Variants in GABBR2 observed in about 807,000 individuals in gnomAD.
GABBR2 encodes the protein gamma-aminobutyric acid type B receptor subunit 2, also known as G-protein coupled receptor 51.
In GABBR2, 23 loss-of-function variants were observed where a neutral mutation model predicts 105.6. The ratio of observed to expected loss-of-function variants is 0.22; its 90% CI spans 0.16 to 0.31. The LOEUF is 0.31. GABBR2 is among the 10% of genes least tolerant of loss of function. The probability of loss-of-function intolerance (pLI) is 1.00; values close to 1 mark genes in which losing one functional copy is unlikely to be tolerated. For missense variants in GABBR2, 734 were observed against 1,245.5 expected (o/e 0.59, Z 6.18); for synonymous variants, 478 against 499.7 (o/e 0.96, Z 0.58).
At position 98,540,107 on chromosome 9, in the gene GABBR2, G is replaced by A. The variant is rs560387913; in HGVS notation, c.630+1766C>T. On this transcript the variant is annotated intron_variant, in intron 3 of 18. Coordinates refer to ENST00000259455, the MANE Select transcript of GABBR2 (RefSeq NM_005458.8). ...GCCTTTCAGCAAAAGCCTCTTCAGC[G>A]TTTGGCAATGAGTCACTCCCGCTGG... 1.3e-3 allele frequency among the ~76,000 whole-genome samples: 197 copies of A among 152,176 alleles called. 1 individual carries two copies. Among genetic ancestry groups the A allele is most frequent in the Admixed American group, 2.0e-3 (31 of 15,276 alleles).
intron 13 of GABBR2, among the ~76,000 whole-genome samples, chr9:98,336,532 C>A (rs182294294): frequency 6.6e-6 from 1 of 152,018 alleles, no homozygotes; most frequent in South Asian, 2.1e-4. Context: ...GGTGAAACCC[C>A]GTCTCTACTA....
chr9:98,296,118 G>A (rs1260610551), intron 17 of GABBR2, among the ~76,000 whole-genome samples: 1 of 152,234 alleles, frequency 6.6e-6, no homozygotes, highest in Non-Finnish European at 1.5e-5. Context: ...TGTAAGAGGT[G>A]GGGCCTTTAG....
At chr9:98,565,264 T>A (rs1471865421) in intron 2 of GABBR2, among the ~76,000 whole-genome samples, 2 of 151,652 alleles carry the variant, frequency 1.3e-5, no homozygotes, top group Admixed American at 1.3e-4. Flanking sequence ...AGGCTGCTCC[T>A]CTACTCTGTG....
intron 1 of GABBR2, among the ~76,000 whole-genome samples, chr9:98,680,756 G>A (rs1031625329): frequency 1.3e-5 from 2 of 152,136 alleles, no homozygotes; most frequent in Non-Finnish European, 2.9e-5. Flanking sequence ...TAATATAAAC[G>A]TAAGGTGACT....
chr9:98,634,990 C>T (rs1279279285), intron 1 of GABBR2, among the ~76,000 whole-genome samples: 5 of 152,174 alleles, frequency 3.3e-5, no homozygotes, highest in African/African-American at 9.7e-5. Context: ...TCCCTAGCTT[C>T]CAGCCTAGCT....
At chr9:98,298,814 T>C (rs1363749097) in intron 17 of GABBR2, among the ~76,000 whole-genome samples, 2 of 152,240 alleles carry the variant, frequency 1.3e-5, no homozygotes, top group Non-Finnish European at 2.9e-5. Context: ...AAGCATTCTA[T>C]CATAACTAAC....
chr9:98,294,867 A>T (rs137936317), intron 17 of GABBR2, among the ~76,000 whole-genome samples: 1 of 152,364 alleles, frequency 6.6e-6, no homozygotes, highest in African/African-American at 2.4e-5. Context: ...TAGGACCTCC[A>T]TTCAAAATAA....
chr9:98,591,458 C>T (rs994043048), intron 1 of GABBR2, among the ~76,000 whole-genome samples: 3 of 152,052 alleles, frequency 2.0e-5, no homozygotes, highest in African/African-American at 7.3e-5. Flanking sequence ...AGGGGAGTGC[C>T]GAGAGGGAAG....
At chr9:98,423,976 C>T (rs1832829541) in intron 7 of GABBR2, among the ~76,000 whole-genome samples, 1 of 152,158 alleles carries the variant, frequency 6.6e-6, no homozygotes, top group Admixed American at 6.5e-5. Context: ...TATATCTGAT[C>T]TATATCTCTG....
intron 4 of GABBR2, among the ~76,000 whole-genome samples, chr9:98,484,009 C>T (rs976019769): frequency 6.6e-6 from 1 of 152,220 alleles, no homozygotes; most frequent in African/African-American, 2.4e-5. Flanking sequence ...GCATCACGCA[C>T]AATGCCTGGC....
chr9:98,689,941 T>A (rs573929284), intron 1 of GABBR2, among the ~76,000 whole-genome samples: 7 of 152,322 alleles, frequency 4.6e-5, no homozygotes, highest in African/African-American at 1.7e-4. Flanking sequence ...ATTTCTTCCC[T>A]GCAAAGTGAC....
chr9:98,536,371 C>T (rs776473881), intron 3 of GABBR2, among the ~76,000 whole-genome samples: 10 of 152,112 alleles, frequency 6.6e-5, no homozygotes, highest in South Asian at 2.1e-4. Context: ...GATTGGCTTA[C>T]GGGTACTTAA....
chr9:98,704,844 T>C (rs1196026698), intron 1 of GABBR2, among the ~76,000 whole-genome samples: 2 of 152,060 alleles, frequency 1.3e-5, no homozygotes, highest in African/African-American at 4.8e-5. Context: ...ATGGAGAACA[T>C]TTCTGAAGAC....
chr9:98,665,428 A>C (rs1588274779), intron 1 of GABBR2, among the ~76,000 whole-genome samples: 1 of 152,130 alleles, frequency 6.6e-6, no homozygotes, highest in East Asian at 1.9e-4. Flanking sequence ...TGACCCATTT[A>C]CTGATTGACA....
In GABBR2 at chr9:98,289,843, G is replaced by GTGTC. The variant is rs1465800980; in HGVS notation, c.*737_*740dup. ...AGACTGTCGGTGAATGCTGCAGAGC[G>GTGTC]TGTCTGCAGTGACGTGCCCTAAATC... On this transcript the variant is annotated 3_prime_UTR_variant, in exon 19 of 19. Coordinates refer to ENST00000259455, the MANE Select transcript of GABBR2 (RefSeq NM_005458.8). The GTGTC allele has an allele frequency of 1.3e-5, 2 of 152,686 alleles. No homozygotes were observed. The highest frequency in any genetic ancestry group is 1.3e-4 in the Admixed American group (2 of 15,288). The allele number at this position is 152,686 out of a possible 1,614,324, so 9.5% of individuals were successfully genotyped here.
At chr9:98,541,045 G>A (rs1466394578) in intron 3 of GABBR2, among the ~76,000 whole-genome samples, 2 of 152,188 alleles carry the variant, frequency 1.3e-5, no homozygotes, top group African/African-American at 4.8e-5. Context: ...ACCTAGCCAT[G>A]AGAGTATGGT....
chr9:98,442,560 C>T (rs1564070662), intron 7 of GABBR2, among the ~76,000 whole-genome samples: 2 of 152,218 alleles, frequency 1.3e-5, no homozygotes, highest in Non-Finnish European at 2.9e-5. Context: ...CCTCTACCTC[C>T]TTAACCTCTT....
rs369338702 is a variant in GABBR2, at chr9:98,447,063, C to CTTTT, written c.1236+6914_1236+6917dup. Among the ~76,000 whole-genome samples the CTTTT allele has an allele frequency of 2.6e-5, 3 of 116,340 alleles. 1 individual carries two copies. Among genetic ancestry groups the CTTTT allele is most frequent in the African/African-American group, 7.0e-5 (2 of 28,634 alleles). 76.3% of individuals were successfully genotyped at this position (116,340 alleles called of 152,430 possible). ...CCCAGATTCAACCTAAAAAAGACTT[C>CTTTT]TTTTTTTTTTTTTTTTGAGACGGAG... On this transcript the variant is annotated intron_variant, in intron 7 of 18. Transcript: ENST00000259455.
intron 13 of GABBR2, among the ~76,000 whole-genome samples, chr9:98,312,297 C>T (rs954856046): frequency 6.6e-6 from 1 of 152,198 alleles, no homozygotes; most frequent in Non-Finnish European, 1.5e-5. Context: ...AATTCTTCAG[C>T]CTACTTTGGT....
Sources: allele counts gnomAD v4.1 joint callset (sites outside exome capture counted in the v4.1 genomes callset), GRCh38; gene constraint gnomAD v4.1.1; transcripts MANE v1.5; gene names NCBI Gene and HGNC (gene_info 2026-07-23, HGNC 2026-07-21).